ANKIB1: variants seen among roughly 807,000 people sequenced by gnomAD.
The protein encoded by ANKIB1 is ankyrin repeat and IBR domain containing 1, also known as ankyrin repeat and IBR domain-containing protein 1.
A neutral mutation model predicts 122.1 loss-of-function variants in ANKIB1; 43 were observed. The ratio of observed to expected loss-of-function variants is 0.35; its 90% CI spans 0.28 to 0.45. ANKIB1 has a LOEUF of 0.45. ANKIB1 is among the 20% of genes least tolerant of loss of function. ANKIB1 has a pLI of 1.00. For synonymous variants in ANKIB1, 390 were observed against 442.0 expected, an observed-to-expected ratio of 0.88 and a Z score of 1.48; for missense variants, 992 against 1,329.5, an observed-to-expected ratio of 0.75 and a Z score of 3.95.
intron 1 of ANKIB1, among the ~76,000 whole-genome samples, chr7:92,264,976 A>G (rs1274804444): frequency 2.0e-5 from 3 of 152,182 alleles, no homozygotes; most frequent in African/African-American, 4.8e-5. Context: ...TGAGAACATG[A>G]TATTTTTTAT....
intron 15 of ANKIB1, among the ~76,000 whole-genome samples, chr7:92,390,663 ATT>A (rs1804765832): frequency 6.6e-6 from 1 of 152,182 alleles, no homozygotes; most frequent in South Asian, 2.1e-4. Flanking sequence ...TCCTCTGCTA[ATT>A]TATATCCTAC....
rs1440318389 is a variant in ANKIB1, at chr7:92,246,385, G to A, written c.-225G>A. The A allele has an allele frequency of 6.1e-6, 3 of 489,412 alleles. No individual in the cohort carries two copies. Among genetic ancestry groups the A allele is most frequent in the Admixed American group, 2.1e-5 (1 of 47,006 alleles). 30.3% of individuals were successfully genotyped at this position (489,412 alleles called of 1,614,324 possible). A position where few individuals can be genotyped will look rare whatever the true frequency, so the allele number is the denominator to read the frequency against. ...CGGGTGCACCCGGGCCGGCGAGGAA[G>A]GGGCAACCGTCCGGGTGGGTGGGGC... On this transcript the variant is annotated 5_prime_UTR_variant, in exon 1 of 20. Transcript: ENST00000265742.
At chr7:92,326,188 T>C (rs916823875) in intron 4 of ANKIB1, among the ~76,000 whole-genome samples, 3 of 152,220 alleles carry the variant, frequency 2.0e-5, no homozygotes, top group African/African-American at 7.2e-5. Flanking sequence ...CACTGTTACC[T>C]ATTGAAGTTT....
chr7:92,312,598 C>A (rs902032883), intron 3 of ANKIB1, among the ~76,000 whole-genome samples: 14 of 152,096 alleles, frequency 9.2e-5, no homozygotes, highest in African/African-American at 3.1e-4. Context: ...TGAAATAATT[C>A]TATTTATTCT....
intron 11 of ANKIB1, among the ~76,000 whole-genome samples, chr7:92,372,714 T>G (rs1804298628): frequency 6.6e-6 from 1 of 152,150 alleles, no homozygotes; most frequent in African/African-American, 2.4e-5. Flanking sequence ...AGCAGTGTGT[T>G]TAAAACAAAT....
Position 92,371,483 on chromosome 7 carries a change from G to C in ANKIB1, c.1493G>C (p.Gly498Ala). ...TGTGTTTAATATCCCAAAGTTGTGG[G>C]AGTTAGTGAAGCCTACGAGGATGCC... ...ITEMKPEELV[G>A]VSEAYEDAAN... The change falls in exon 11 of 20, where the codon GGA becomes GCA. Residue 498 changes from glycine to alanine, a missense_variant. This residue lies in a region of ANKIB1 where 521 missense variants were observed against 777.7 expected (regional missense o/e 0.67). Coordinates refer to ENST00000265742, the MANE Select transcript of ANKIB1 (RefSeq NM_019004.2). 1 of 1,605,212 alleles carries C rather than the reference G, an allele frequency of 6.2e-7. No individual in the cohort carries two copies. The highest frequency in any genetic ancestry group is 8.5e-7 in the Non-Finnish European group (1 of 1,175,366).
intron 5 of ANKIB1, among the ~76,000 whole-genome samples, chr7:92,335,042 T>C (rs1803257033): frequency 6.6e-6 from 1 of 151,996 alleles, no homozygotes; most frequent in South Asian, 2.1e-4. Flanking sequence ...CCTGGACATT[T>C]GTATTTCTTT....
chr7:92,353,467 GTATT>G (rs1348515568), intron 9 of ANKIB1, among the ~76,000 whole-genome samples: 7 of 152,200 alleles, frequency 4.6e-5, no homozygotes, highest in African/African-American at 1.4e-4. Context: ...AAAAGCTACA[GTATT>G]TATTCTGTTT....
intron 11 of ANKIB1, among the ~76,000 whole-genome samples, chr7:92,379,383 C>T (rs1334710230): frequency 2.0e-5 from 3 of 152,044 alleles, no homozygotes; most frequent in East Asian, 3.9e-4. Flanking sequence ...CAGAGCGAGA[C>T]TCCATCTAAA....
rs199732276 is a variant in ANKIB1 at position 92,371,508 on chromosome 7, C to T, written c.1518C>T (p.Ala506=). The part of the protein sequence containing the change: ...LVGVSEAYED[A]ANCLWLLTNS... ...GAGTTAGTGAAGCCTACGAGGATGCCGCCAATTGTCTCTGGTTATTAACTA... is the reference window on the plus strand; with the variant it reads ...GAGTTAGTGAAGCCTACGAGGATGCTGCCAATTGTCTCTGGTTATTAACTA... Residue 506 remains alanine (A), a synonymous_variant, in exon 11 of 20, where the codon GCC becomes GCT. Transcript: ENST00000265742. The T allele has an allele frequency of 1.4e-3, 2,271 of 1,606,562 alleles. 58 individuals are homozygous for T. In the South Asian group the frequency reaches 0.024, roughly 17 times the overall value.
chr7:92,316,932 T>G (rs1160066682), intron 3 of ANKIB1, among the ~76,000 whole-genome samples: 3 of 152,204 alleles, frequency 2.0e-5, no homozygotes, highest in Admixed American at 6.6e-5. Context: ...TAATATCTGT[T>G]GCAAAGTAAA....
At chr7:92,321,475 A>G (rs1229740511) in intron 4 of ANKIB1, among the ~76,000 whole-genome samples, 3 of 152,180 alleles carry the variant, frequency 2.0e-5, no homozygotes, top group East Asian at 1.9e-4. Flanking sequence ...TAGACTGTCA[A>G]TTCCATGAAG....
chr7:92,307,722 A>C, intron 3 of ANKIB1, 66 bp downstream of exon 3: 6 of 1,200,648 alleles, frequency 5.0e-6, no homozygotes, highest in Non-Finnish European at 5.3e-6. Context: ...TGTAACTGTC[A>C]GGTTTTTTTT....
intron 1 of ANKIB1, among the ~76,000 whole-genome samples, chr7:92,278,667 A>G (rs1237180735): frequency 2.6e-5 from 4 of 152,248 alleles, no homozygotes; most frequent in Non-Finnish European, 4.4e-5. Flanking sequence ...TTGACCAGAA[A>G]GACACATTAT....
At position 92,386,648 on chromosome 7, in the gene ANKIB1, A is replaced by G. The variant is rs754301150; in HGVS notation, c.1752+5A>G. The G allele has an allele frequency of 1.9e-6, 3 of 1,592,638 alleles. No individual in the cohort carries two copies. The highest frequency in any genetic ancestry group is 1.2e-5 in the South Asian group (1 of 85,898). ...TCCAAGGAAATGACTGTGGAGGTAA[A>G]GAGAACCAATTAAGCCAAGACATCT... On this transcript the variant is annotated splice_donor_5th_base_variant and intron_variant, in intron 12 of 19. Coordinates refer to ENST00000265742, the MANE Select transcript of ANKIB1 (RefSeq NM_019004.2).
rs570699196 is a variant in ANKIB1 at position 92,306,992 on chromosome 7, C to G, written c.189-367C>G. ...AAATTAGTGTGGAATGCTTAATACACCCTTAGGCATCTGTATAATTGACAT... is the reference window on the plus strand; with the variant it reads ...AAATTAGTGTGGAATGCTTAATACAGCCTTAGGCATCTGTATAATTGACAT... On this transcript the variant is annotated intron_variant, in intron 2 of 19. Transcript: ENST00000265742. Among the ~76,000 whole-genome samples the G allele has an allele frequency of 4.6e-5, 7 of 152,268 alleles. No individual in the cohort carries two copies. The South Asian group carries it at 1.5e-3, about 32-fold the overall frequency.
At chr7:92,306,383 A>ATT (rs1203946097) in intron 2 of ANKIB1, among the ~76,000 whole-genome samples, 1 of 152,160 alleles carries the variant, frequency 6.6e-6, no homozygotes, top group Non-Finnish European at 1.5e-5. Flanking sequence ...GTTTGGCAGT[A>ATT]GTAAAGGCAA....
chr7:92,352,581 C>T lies in ANKIB1; in HGVS notation c.1336C>T (p.Leu446Phe). ...GTCAAATACATCTGGATCTGATACA[C>T]TCAGCTTCCCATTGCTGAGAGCTCC... Reference protein sequence around the residue: ...QGSNTSGSDTLSFPLLRAPAV... With the variant: ...QGSNTSGSDTFSFPLLRAPAV... The change falls in exon 9 of 20, where the codon CTC becomes TTC. Residue 446 changes from leucine to phenylalanine, a missense_variant. By Grantham distance (22) the Leu-to-Phe change is conservative. This residue lies in a region of ANKIB1 where 521 missense variants were observed against 777.7 expected (regional missense o/e 0.67). Transcript: ENST00000265742. The T allele has an allele frequency of 2.5e-6, 4 of 1,613,452 alleles. No individual in the cohort carries two copies. Among genetic ancestry groups the T allele is most frequent in the Non-Finnish European group, 3.4e-6 (4 of 1,179,786 alleles).
chr7:92,398,683 C>G lies in ANKIB1; in HGVS notation c.3004C>G (p.Pro1002Ala). 1 of 1,613,878 alleles carries G rather than the reference C, an allele frequency of 6.2e-7. No individual in the cohort carries two copies. The highest frequency in any genetic ancestry group is 1.3e-5 in the African/African-American group (1 of 75,016). Residue 1002 changes from proline (P) to alanine (A), a missense_variant, in exon 20 of 20, where the codon CCC becomes GCC. Pro to Ala is a conservative substitution (Grantham distance 27). This residue lies in a region of ANKIB1 where 384 missense variants were observed against 412.0 expected (regional missense o/e 0.93). Coordinates refer to ENST00000265742, the MANE Select transcript of ANKIB1 (RefSeq NM_019004.2). ...TTEISADSQL[P>A]CIKDGSEGVK... is the part of the protein sequence containing the mutation. ...AGAAATCAGTGCAGATTCCCAGCTC[C>G]CCTGTATCAAAGATGGGTCAGAAGG...
Sources: allele counts gnomAD v4.1 joint callset (sites outside exome capture counted in the v4.1 genomes callset), GRCh38; gene constraint gnomAD v4.1.1; regional missense constraint gnomAD v4.1.1; transcripts MANE v1.5; gene names NCBI Gene and HGNC (gene_info 2026-07-23, HGNC 2026-07-21).